Variants in STK3 observed in about 807,000 individuals in gnomAD.
STK3 encodes the protein serine/threonine kinase 3.
STK3 carries 41 observed loss-of-function variants against 58.0 expected under a neutral mutation model. The observed-to-expected ratio is 0.71, with a 90% CI of 0.55 to 0.92. The LOEUF is 0.92. STK3 is among the 40% of genes least tolerant of loss of function. The probability of loss-of-function intolerance (pLI) is 0.00; values close to 1 mark genes in which losing one functional copy is unlikely to be tolerated. For synonymous variants in STK3, 170 were observed against 191.0 expected, an observed-to-expected ratio of 0.89 and a Z score of 0.91; for missense variants, 479 against 602.7, an observed-to-expected ratio of 0.79 and a Z score of 2.15.
chr8:98,784,524 C>T (rs2131546735), intron 1 of STK3, among the ~76,000 whole-genome samples: 1 of 152,264 alleles, frequency 6.6e-6, no homozygotes, highest in African/African-American at 2.4e-5. Flanking sequence ...TGGCAAAAAT[C>T]CAGGCATTTG....
Position 98,711,080 on chromosome 8 carries a change from T to C in STK3, c.352-3769A>G, listed in dbSNP as rs565991472. ...CCAACAGACCTGCAGCTGAGGGTCC[T>C]GACAGAAGGAAAACTAACAAACAGA... On this transcript the variant is annotated intron_variant, in intron 4 of 10. Transcript: ENST00000419617. 4.9e-4 allele frequency among the ~76,000 whole-genome samples: 75 copies of C among 152,268 alleles called. 1 individual carries two copies. In the South Asian group the frequency reaches 0.011, roughly 23 times the overall value.
At chr8:98,462,095 A>T (rs1820031835) in intron 10 of STK3, among the ~76,000 whole-genome samples, 1 of 152,158 alleles carries the variant, frequency 6.6e-6, no homozygotes, top group Admixed American at 6.5e-5. Context: ...CGATCCAATA[A>T]CACTCTTCAA....
chr8:98,549,980 C>T (rs111612386), intron 8 of STK3, among the ~76,000 whole-genome samples: 2,707 of 152,120 alleles, frequency 0.018, 76 homozygotes, highest in African/African-American at 0.062. Context: ...GCTCTCCAGC[C>T]GGGGTGACAG....
chr8:98,710,500 C>T (rs545196519), intron 4 of STK3, among the ~76,000 whole-genome samples: 13 of 152,342 alleles, frequency 8.5e-5, no homozygotes, highest in African/African-American at 2.4e-4. Context: ...TTATATCCCG[C>T]GCCTGGCTTG....
the STK3 span, among the ~76,000 whole-genome samples, chr8:98,351,977 G>A: frequency 6.6e-6 from 1 of 151,996 alleles, no homozygotes; most frequent in African/African-American, 2.4e-5. Context: ...GGCTAACACG[G>A]TTAAACCCCG....
intron 4 of STK3, among the ~76,000 whole-genome samples, chr8:98,746,668 T>C (rs1056023063): frequency 6.6e-5 from 10 of 152,052 alleles, no homozygotes; most frequent in African/African-American, 1.7e-4. Flanking sequence ...AAATACAAGA[T>C]TTCTGGATAA....
the STK3 span, among the ~76,000 whole-genome samples, chr8:98,363,125 C>T: frequency 4.6e-5 from 7 of 152,300 alleles, no homozygotes; most frequent in African/African-American, 1.7e-4. Context: ...ATAGATCAGC[C>T]TTAAATGGAG....
intron 3 of STK3, among the ~76,000 whole-genome samples, chr8:98,850,837 T>C (rs1417391293): frequency 6.6e-6 from 1 of 152,102 alleles, no homozygotes; most frequent in African/African-American, 2.4e-5. Flanking sequence ...GAGAGTGTCA[T>C]GATCAGAGCC....
chr8:98,433,803 C>G (rs190242554), intron 3 of STK3, among the ~76,000 whole-genome samples: 2 of 152,336 alleles, frequency 1.3e-5, no homozygotes, highest in African/African-American at 4.8e-5. Context: ...ACGACAGTTG[C>G]AGGGACAATG....
chr8:98,417,972 T>A (rs749720287), intron 3 of STK3, among the ~76,000 whole-genome samples: 10 of 152,060 alleles, frequency 6.6e-5, no homozygotes, highest in Non-Finnish European at 1.2e-4. Context: ...TGCAGTGGTG[T>A]AATTGTAGCT....
chr8:98,864,980 T>C (rs1837081130), intron 3 of STK3, among the ~76,000 whole-genome samples: 1 of 152,182 alleles, frequency 6.6e-6, no homozygotes, highest in Admixed American at 6.5e-5. Flanking sequence ...CACATATCAC[T>C]TCAGCTCTCA....
intron 6 of STK3, among the ~76,000 whole-genome samples, chr8:98,614,847 C>T (rs1040358645): frequency 6.6e-6 from 1 of 152,158 alleles, no homozygotes; most frequent in Admixed American, 6.5e-5. Context: ...ACAAAGCAGT[C>T]TGAGATCAAA....
In STK3 at chr8:98,743,807, A is replaced by C. The variant is rs868595109; in HGVS notation, c.351+5469T>G. 3.2e-3 allele frequency among the ~76,000 whole-genome samples: 490 copies of C among 151,936 alleles called. 6 individuals are homozygous for C. The highest frequency in any genetic ancestry group is 0.018 in the South Asian group (86 of 4,816). On this transcript the variant is annotated intron_variant, in intron 4 of 10. Transcript: ENST00000419617. ...ATCAGAGTGAACAGGCAACCTACAA[A>C]ATGGGAGAAAATTTTCGCAACCTAC...
intron 4 of STK3, among the ~76,000 whole-genome samples, chr8:98,715,340 C>T (rs1156713423): frequency 6.6e-6 from 1 of 151,964 alleles, no homozygotes; most frequent in Admixed American, 6.5e-5. Flanking sequence ...TCAGAGTGAA[C>T]AGGCAACCTA....
chr8:98,500,852 T>C (rs1425076703), intron 10 of STK3, among the ~76,000 whole-genome samples: 1 of 152,338 alleles, frequency 6.6e-6, no homozygotes, highest in African/African-American at 2.4e-5. Flanking sequence ...CTATTGTGAA[T>C]AGTGCCACAA....
At chr8:98,378,560 G>A (rs1817699288) in intron 2 of STK3, among the ~76,000 whole-genome samples, 2 of 152,332 alleles carry the variant, frequency 1.3e-5, no homozygotes, top group South Asian at 4.1e-4. Context: ...TGGATTGTGA[G>A]TATATGAGGA....
At chr8:98,437,622 C>A (rs911655289) in intron 1 of STK3, 1 of 152,200 alleles carries the variant, frequency 6.6e-6, no homozygotes, top group African/African-American at 2.4e-5. Context: ...ACTGAGGTGC[C>A]AGCAGTCAGA....
At chr8:98,536,019 G>T (rs1457480201) in intron 9 of STK3, among the ~76,000 whole-genome samples, 1 of 152,130 alleles carries the variant, frequency 6.6e-6, no homozygotes, top group Non-Finnish European at 1.5e-5. Context: ...CTACTCCTTG[G>T]TGTTGACTAA....
At chr8:98,798,806 TA>T (rs1022172566) in intron 1 of STK3, among the ~76,000 whole-genome samples, 2 of 151,950 alleles carry the variant, frequency 1.3e-5, no homozygotes, top group African/African-American at 4.8e-5. Flanking sequence ...CAAGACCCTT[TA>T]AAAAAAATCA....
Sources: gnomAD v4.1 joint callset for allele counts (sites outside exome capture counted in the v4.1 genomes callset) on GRCh38, gnomAD v4.1.1 for gene constraint, MANE v1.5 for transcripts, NCBI Gene and HGNC (gene_info 2026-07-23, HGNC 2026-07-21) for gene names.